Variants in ADAMTS10 observed in about 807,000 individuals in gnomAD.
ADAMTS10 encodes A disintegrin and metalloproteinase with thrombospondin motifs 10.
Under a neutral mutation model 135.9 loss-of-function variants are expected in ADAMTS10, and 48 were observed. The observed-to-expected ratio is 0.35, with a 90% CI of 0.28 to 0.45. The LOEUF (loss-of-function observed/expected upper bound fraction) is 0.45, where lower values mean the gene tolerates loss of function less well. Ranked by LOEUF, ADAMTS10 falls within the 20% of genes least tolerant of loss-of-function variation. The pLI, the probability that ADAMTS10 is intolerant of heterozygous loss-of-function variation, is 1.00. For synonymous variants in ADAMTS10, 621 were observed against 647.5 expected (o/e 0.96, Z 0.62); for missense variants, 1,131 against 1,565.2 (o/e 0.72, Z 4.68).
chr19:8,586,086 T>G (rs1429367412), intron 22 of ADAMTS10, 36 bp downstream of exon 22: 1 of 1,611,826 alleles, frequency 6.2e-7, no homozygotes, highest in Non-Finnish European at 8.5e-7. Context: ...TACTCTCCTC[T>G]CACCCTGAGC....
At chr19:8,602,730 ATCCTCCT>A in intron 5 of ADAMTS10, among the ~76,000 whole-genome samples, 1 of 152,086 alleles carries the variant, frequency 6.6e-6, no homozygotes, top group South Asian at 2.1e-4. Flanking sequence ...GGCTCAAGTG[ATCCTCCT>A]GCCTCAGCCT....
chr19:8,589,043 C>T (rs1256275906), intron 18 of ADAMTS10, among the ~76,000 whole-genome samples, 199 bp downstream of exon 18: 10 of 152,154 alleles, frequency 6.6e-5, no homozygotes, highest in East Asian at 1.9e-4. Flanking sequence ...CATCCTGCCT[C>T]GGCCTCCAAA....
intron 15 of ADAMTS10, among the ~76,000 whole-genome samples, chr19:8,590,842 T>C (rs547087128): frequency 8.5e-5 from 13 of 152,244 alleles, no homozygotes; most frequent in African/African-American, 3.1e-4. Context: ...GTGATCTGCC[T>C]GCCTCAGCCT....
chr19:8,591,525 T>A (rs2042527127), intron 15 of ADAMTS10, among the ~76,000 whole-genome samples: 1 of 149,766 alleles, frequency 6.7e-6, no homozygotes, highest in Non-Finnish European at 1.5e-5. Context: ...CACTGCAGCC[T>A]CCGCCTCCCG....
chr19:8,593,395 C>G (rs1188951778), intron 12 of ADAMTS10: 2 of 162,706 alleles, frequency 1.2e-5, no homozygotes, highest in Admixed American at 5.8e-5. Flanking sequence ...ACTAGGCCAA[C>G]GGCCTCATCT....
At chr19:8,591,602 C>G (rs932154910) in intron 15 of ADAMTS10, among the ~76,000 whole-genome samples, 198 bp downstream of exon 15, 4 of 151,958 alleles carry the variant, frequency 2.6e-5, no homozygotes, top group Non-Finnish European at 5.9e-5. Flanking sequence ...CCACCACGCC[C>G]AGCTAATTTT....
chr19:8,599,897 T>G (rs1258613190), intron 6 of ADAMTS10, among the ~76,000 whole-genome samples: 1 of 151,598 alleles, frequency 6.6e-6, no homozygotes, highest in African/African-American at 2.4e-5. Flanking sequence ...CACAGTGGCG[T>G]GATCTCAGCT....
rs184157733 is a variant in ADAMTS10, at chr19:8,582,929, C to T, written c.3203-1927G>A. ...CCTCCCATTGTGTTGGGATTACAGG[C>T]GTGAGCCACCACGCCCAGCCTAATT... On this transcript the variant is annotated intron_variant, in intron 25 of 25. Transcript: ENST00000597188. Among the ~76,000 whole-genome samples the T allele has an allele frequency of 8.9e-3, 1,358 of 152,232 alleles. 12 individuals are homozygous for T. The highest frequency in any genetic ancestry group is 0.015 in the Non-Finnish European group (1,031 of 68,014).
At chr19:8,600,791 C>A in intron 6 of ADAMTS10, 137 bp downstream of exon 6, 1 of 1,109,130 alleles carries the variant, frequency 9.0e-7, no homozygotes, top group East Asian at 2.5e-5. Context: ...AGCCACCGCG[C>A]CCGGCCTGCA....
At chr19:8,597,428 G>A (rs540713726) in intron 6 of ADAMTS10, 111 bp from the exon 7 acceptor site, 56 of 974,698 alleles carry the variant, frequency 5.7e-5, no homozygotes, top group African/African-American at 5.2e-4. Context: ...ACTGTGTGTC[G>A]GGTCTTAGGC....
In ADAMTS10 at chr19:8,605,263, G is replaced by A. The variant is rs370636862; in HGVS notation, c.184C>T (p.Arg62Trp). The change falls in exon 4 of 26, where the codon CGG becomes TGG. Residue 62 changes from arginine to tryptophan, a missense_variant. Coordinates refer to ENST00000597188, the MANE Select transcript of ADAMTS10 (RefSeq NM_030957.4). The surrounding 1 kb of genome is among the most constrained non-coding windows in gnomAD (Gnocchi z 7.7). ...ALLAFSPPPP[R>W]RQRRGTGATA... ...GCCCCCGTGCCGCGGCGCTGCCTCC[G>A]GGGAGGAGGTGGCGAGAAGGCCAGC... 17 of 1,612,734 alleles carry A rather than the reference G, an allele frequency of 1.1e-5. No individual in the cohort carries two copies. The highest frequency in any genetic ancestry group is 1.6e-4 in the Middle Eastern group (1 of 6,080).
intron 25 of ADAMTS10, chr19:8,582,496 A>C (rs1030719146): frequency 3.3e-5 from 5 of 152,306 alleles, no homozygotes; most frequent in Admixed American, 1.3e-4. Flanking sequence ...CAAACAAAAC[A>C]AAACCTGAAG....
At chr19:8,595,672 T>G in intron 12 of ADAMTS10, 90 bp downstream of exon 12, 48 of 1,271,540 alleles carry the variant, frequency 3.8e-5, no homozygotes, top group Non-Finnish European at 4.7e-5. Context: ...ACCCCCTCAC[T>G]TCCCAGGTGG....
intron 12 of ADAMTS10, among the ~76,000 whole-genome samples, chr19:8,594,094 G>C (rs1360990601): frequency 3.9e-5 from 6 of 152,160 alleles, no homozygotes; most frequent in African/African-American, 1.4e-4. Context: ...TATCACATCA[G>C]TCCTGTCGCA....
At chr19:8,603,662 GAC>G in intron 5 of ADAMTS10, 64 bp downstream of exon 5, 1 of 1,604,476 alleles carries the variant, frequency 6.2e-7, no homozygotes, top group East Asian at 2.2e-5. Flanking sequence ...TGGATAAAAA[GAC>G]ACTGCTGCCT....
At chr19:8,581,272 C>T (rs543438167) in intron 25 of ADAMTS10, 1 of 259,626 alleles carries the variant, frequency 3.9e-6, no homozygotes, top group South Asian at 6.6e-5. Flanking sequence ...CAAACCACGC[C>T]TGACTTCTGT....
At position 8,596,842 on chromosome 19, in the gene ADAMTS10, C is replaced by T; in HGVS notation, c.1040+145G>A. 4 of 1,339,552 alleles carry T rather than the reference C, an allele frequency of 3.0e-6. No individual in the cohort carries two copies. The highest frequency in any genetic ancestry group is 4.2e-6 in the Non-Finnish European group (4 of 963,780). 83.0% of individuals were successfully genotyped at this position (1,339,552 alleles called of 1,614,324 possible). On this transcript the variant is annotated intron_variant, in intron 8 of 25. Transcript: ENST00000597188. The surrounding 1 kb of genome is among the most constrained non-coding windows in gnomAD (Gnocchi z 7.2). The stretch of plus-strand genomic sequence containing the variant: ...CTTACCCATTATTCTCAAGCAGCCC[C>T]TCCCCATCCCTGGCTCCCTCATGGG...
At chr19:8,598,908 A>G (rs1476192955) in intron 6 of ADAMTS10, among the ~76,000 whole-genome samples, 1 of 151,568 alleles carries the variant, frequency 6.6e-6, no homozygotes, top group Non-Finnish European at 1.5e-5. Context: ...AGCCCTAGGG[A>G]GAGAGGCCAG....
chr19:8,590,514 A>G (rs2042509053), intron 15 of ADAMTS10, among the ~76,000 whole-genome samples: 1 of 151,968 alleles, frequency 6.6e-6, no homozygotes, highest in African/African-American at 2.4e-5. Context: ...GTTGGAGTGC[A>G]GTGACACAAT....
Sources: allele counts gnomAD v4.1 joint callset (sites outside exome capture counted in the v4.1 genomes callset), GRCh38; gene constraint gnomAD v4.1.1; non-coding constraint Gnocchi (gnomAD v3.1); transcripts MANE v1.5; gene names NCBI Gene and HGNC (gene_info 2026-07-23, HGNC 2026-07-21).